Variants in IL1RAPL2 observed in about 807,000 individuals in gnomAD.
The protein encoded by IL1RAPL2 is X-linked interleukin-1 receptor accessory protein-like 2.
Under a neutral mutation model 44.1 loss-of-function variants are expected in IL1RAPL2, and 3 were observed. The observed-to-expected ratio is 0.07, with a 90% CI of 0.03 to 0.18. The LOEUF is 0.18. IL1RAPL2 is among the 10% of genes least tolerant of loss of function. The pLI, the probability that IL1RAPL2 is intolerant of heterozygous loss-of-function variation, is 1.00. For missense variants in IL1RAPL2, 391 were observed against 496.4 expected, an observed-to-expected ratio of 0.79 and a Z score of 2.02; for synonymous variants, 181 against 178.8, an observed-to-expected ratio of 1.01 and a Z score of -0.10.
At chrX:104,958,357 A>G (rs1402929210) in intron 2 of IL1RAPL2, among the ~76,000 whole-genome samples, 1 of 108,078 alleles carries the variant, frequency 9.3e-6, no homozygotes, top group Non-Finnish European at 1.9e-5. Flanking sequence ...CCTGACTACC[A>G]GGTCAGACTG....
intron 2 of IL1RAPL2, among the ~76,000 whole-genome samples, chrX:105,139,710 C>T (rs1297146517): frequency 9.0e-6 from 1 of 111,674 alleles, no homozygotes; most frequent in Non-Finnish European, 1.9e-5. Flanking sequence ...GCTCTACCCT[C>T]ATGACCTAGC....
Position 105,361,344 on chromosome X carries a change from A to T in IL1RAPL2, c.697+93803A>T, listed in dbSNP as rs917502683. ...AAGTGCGAACTTGACTTTAAAGTGAATAGGCCTGGAAGTGTTTTCTGACGG... is the reference window on the plus strand; with the variant it reads ...AAGTGCGAACTTGACTTTAAAGTGATTAGGCCTGGAAGTGTTTTCTGACGG... On this transcript the variant is annotated intron_variant, in intron 5 of 10. Transcript: ENST00000372582. Among the ~76,000 whole-genome samples the T allele has an allele frequency of 5.4e-5, 6 of 111,098 alleles. No homozygotes were observed. In the Admixed American group the frequency reaches 5.8e-4, roughly 11 times the overall value.
intron 1 of IL1RAPL2, among the ~76,000 whole-genome samples, chrX:104,622,908 T>G (rs1929427422): frequency 8.9e-6 from 1 of 111,988 alleles, no homozygotes. Flanking sequence ...AACTTTTTTT[T>G]GTATCTTTTA....
At position 104,959,302 on chromosome X, in the gene IL1RAPL2, G is replaced by A. The variant is rs142966701; in HGVS notation, c.83-236173G>A. 5.1e-3 allele frequency among the ~76,000 whole-genome samples: 570 copies of A among 110,928 alleles called. 2 individuals are homozygous for A. The highest frequency in any genetic ancestry group is 8.8e-3 in the Non-Finnish European group (467 of 52,971). The stretch of plus-strand genomic sequence containing the variant: ...ATCTGGAAATGGGCTATCAGGTGTC[G>A]TCTTATTTCTAAGCTGGCTGTTACA... On this transcript the variant is annotated intron_variant, in intron 2 of 10. Transcript: ENST00000372582.
At chrX:105,698,950 T>G (rs1423541664) in intron 6 of IL1RAPL2, among the ~76,000 whole-genome samples, 1 of 111,360 alleles carries the variant, frequency 9.0e-6, no homozygotes, top group Non-Finnish European at 1.9e-5. Context: ...TTATAGAAAA[T>G]ATTACGAAGT....
intron 5 of IL1RAPL2, among the ~76,000 whole-genome samples, chrX:105,351,125 A>G (rs1394313166): frequency 9.0e-6 from 1 of 111,696 alleles, no homozygotes; most frequent in East Asian, 2.8e-4. Context: ...AGGAAACAAC[A>G]CATGCTAGAG....
intron 2 of IL1RAPL2, among the ~76,000 whole-genome samples, chrX:104,691,231 T>C (rs771118108): frequency 8.9e-6 from 1 of 112,156 alleles, no homozygotes; most frequent in African/African-American, 3.2e-5. Context: ...CTGCCTCTTG[T>C]CACGTCAGGG....
At chrX:105,509,154 A>G (rs767856129) in intron 6 of IL1RAPL2, among the ~76,000 whole-genome samples, 2 of 112,006 alleles carry the variant, frequency 1.8e-5, no homozygotes, top group Non-Finnish European at 3.8e-5. Flanking sequence ...ACCACAAACA[A>G]ATATATAAAA....
At chrX:105,766,917 C>A in intron 10 of IL1RAPL2, 47 bp from the exon 11 acceptor site, 1 of 943,918 alleles carries the variant, frequency 1.1e-6, no homozygotes, top group South Asian at 2.2e-5. Context: ...GCTTTAGAGA[C>A]TGGCAATGTC....
intron 2 of IL1RAPL2, among the ~76,000 whole-genome samples, chrX:104,725,777 G>T (rs1423246069): frequency 9.0e-6 from 1 of 111,573 alleles, no homozygotes; most frequent in Non-Finnish European, 1.9e-5. Context: ...GTAGATTCTG[G>T]ATATTAGCCC....
At chrX:104,908,932 A>T (rs1373851612) in intron 2 of IL1RAPL2, among the ~76,000 whole-genome samples, 2 of 111,047 alleles carry the variant, frequency 1.8e-5, no homozygotes, top group East Asian at 5.7e-4. Context: ...AATATCCTGC[A>T]GAGTGTTTTC....
intron 1 of IL1RAPL2, among the ~76,000 whole-genome samples, chrX:104,611,583 A>G (rs1270872402): frequency 9.0e-6 from 1 of 111,122 alleles, no homozygotes; most frequent in Admixed American, 9.6e-5. Flanking sequence ...CACACCTGTA[A>G]TCTCAGCACT....
chrX:105,561,922 C>T (rs949223735), intron 6 of IL1RAPL2, among the ~76,000 whole-genome samples: 8 of 111,851 alleles, frequency 7.2e-5, no homozygotes, highest in Admixed American at 4.8e-4. Flanking sequence ...ACAAAGTCAA[C>T]AGAGGATCTC....
At chrX:105,286,957 A>G (rs773586238) in intron 5 of IL1RAPL2, among the ~76,000 whole-genome samples, 11 of 112,000 alleles carry the variant, frequency 9.8e-5, no homozygotes, top group Non-Finnish European at 1.9e-4. Context: ...ATTGAAAAAT[A>G]TCTGTGCTCC....
rs148576601 is a variant in IL1RAPL2, at chrX:104,673,237, C to T, written c.82+14242C>T. ...AGGGTTTTTATGGTTTTAGGTCTAA[C>T]GTTTAAGTCTTTAATCCATGTTGAA... On this transcript the variant is annotated intron_variant, in intron 2 of 10. Transcript: ENST00000372582. Among the ~76,000 whole-genome samples, 731 of 111,558 alleles carry T rather than the reference C, an allele frequency of 6.6e-3. 3 individuals carry two copies. Among genetic ancestry groups the T allele is most frequent in the African/African-American group, 0.023 (694 of 30,661 alleles).
intron 6 of IL1RAPL2, among the ~76,000 whole-genome samples, chrX:105,601,005 C>T (rs1238796612): frequency 1.8e-5 from 2 of 111,604 alleles, no homozygotes; most frequent in Admixed American, 9.5e-5. Flanking sequence ...CATTTTCTTA[C>T]TTGAGAATGG....
intron 2 of IL1RAPL2, among the ~76,000 whole-genome samples, chrX:104,917,779 A>C (rs1924504537): frequency 1.8e-5 from 2 of 111,959 alleles, no homozygotes; most frequent in South Asian, 7.5e-4. Flanking sequence ...CTTGAGTGGA[A>C]AACTGGCTTA....
intron 2 of IL1RAPL2, among the ~76,000 whole-genome samples, chrX:104,673,821 G>A (rs776240368): frequency 3.8e-4 from 41 of 108,422 alleles, no homozygotes; most frequent in African/African-American, 1.3e-3. Context: ...CACATCCCTT[G>A]TAAGTTGGAT....
chrX:104,685,228 G>A (rs1930964055), intron 2 of IL1RAPL2, among the ~76,000 whole-genome samples: 1 of 111,971 alleles, frequency 8.9e-6, no homozygotes, highest in Non-Finnish European at 1.9e-5. Flanking sequence ...GTCCACTCAG[G>A]CATTACCCCT....
Sources: gnomAD v4.1 joint callset for allele counts (sites outside exome capture counted in the v4.1 genomes callset) on GRCh38, gnomAD v4.1.1 for gene constraint, MANE v1.5 for transcripts, NCBI Gene and HGNC (gene_info 2026-07-23, HGNC 2026-07-21) for gene names.